ST8SIA1: variants seen among roughly 807,000 people sequenced by gnomAD.
ST8SIA1 encodes alpha-N-acetylneuraminide alpha-2,8-sialyltransferase.
Under a neutral mutation model 35.9 loss-of-function variants are expected in ST8SIA1, and 16 were observed. That is an observed-to-expected ratio of 0.45 (90% CI 0.30 to 0.68). The LOEUF is 0.68. ST8SIA1 is among the 30% of genes least tolerant of loss of function. ST8SIA1 has a pLI of 0.09. For synonymous variants in ST8SIA1, 170 were observed against 169.6 expected, an observed-to-expected ratio of 1.00 and a Z score of -0.02; for missense variants, 383 against 453.6, an observed-to-expected ratio of 0.84 and a Z score of 1.41.
chr12:22,245,290 T>G (rs964835107), intron 4 of ST8SIA1, among the ~76,000 whole-genome samples: 1 of 152,234 alleles, frequency 6.6e-6, no homozygotes, highest in Non-Finnish European at 1.5e-5. Flanking sequence ...CTAATCAGGT[T>G]GTCTAAAGTG....
At chr12:22,284,355 C>T (rs56393198) in intron 2 of ST8SIA1, among the ~76,000 whole-genome samples, 5,853 of 152,254 alleles carry the variant, frequency 0.038, 393 homozygotes, top group African/African-American at 0.13. Flanking sequence ...AACGCTGAGC[C>T]TGGCCCACTC....
chr12:22,257,278 C>G lies in ST8SIA1; in HGVS notation c.382-1889G>C, dbSNP rs149796451. Among the ~76,000 whole-genome samples, 373 of 151,970 alleles carry G rather than the reference C, an allele frequency of 2.5e-3. 3 individuals are homozygous for G. Among genetic ancestry groups the G allele is most frequent in the African/African-American group, 8.6e-3 (355 of 41,432 alleles). ...CCAGGCTGGAGTACAGTGGCATGAT[C>G]TCGGCTCACTGCAACTCCCACCTCC... On this transcript the variant is annotated intron_variant, in intron 2 of 4. Coordinates refer to ENST00000396037, the MANE Select transcript of ST8SIA1 (RefSeq NM_003034.4).
chr12:22,266,379 A>C (rs1865848871), intron 2 of ST8SIA1, among the ~76,000 whole-genome samples: 1 of 152,084 alleles, frequency 6.6e-6, no homozygotes, highest in South Asian at 2.1e-4. Flanking sequence ...CAAATCATTT[A>C]TTCAATACTT....
At chr12:22,310,904 C>A (rs995752132) in intron 1 of ST8SIA1, among the ~76,000 whole-genome samples, 1 of 152,148 alleles carries the variant, frequency 6.6e-6, no homozygotes, top group Non-Finnish European at 1.5e-5. Flanking sequence ...CAGACAGCAG[C>A]TGCAGACTGT....
intron 1 of ST8SIA1, among the ~76,000 whole-genome samples, chr12:22,296,458 G>A (rs201010794): frequency 3.3e-5 from 5 of 152,010 alleles, no homozygotes; most frequent in Admixed American, 1.3e-4. Context: ...AACCAGCCCC[G>A]TCAAGCCCAC....
At chr12:22,222,316 T>C (rs902039946) in intron 4 of ST8SIA1, among the ~76,000 whole-genome samples, 2 of 152,180 alleles carry the variant, frequency 1.3e-5, no homozygotes, top group East Asian at 1.9e-4. Context: ...GGTCCAAACA[T>C]GTTCAGCAAG....
intron 2 of ST8SIA1, among the ~76,000 whole-genome samples, chr12:22,273,232 G>A (rs947471618): frequency 6.6e-6 from 1 of 152,178 alleles, no homozygotes; most frequent in African/African-American, 2.4e-5. Context: ...CCACCTGCCC[G>A]TTTGGCACAC....
intron 1 of ST8SIA1, among the ~76,000 whole-genome samples, chr12:22,314,856 G>A (rs982732889): frequency 5.3e-5 from 8 of 152,076 alleles, no homozygotes; most frequent in African/African-American, 1.9e-4. Context: ...CAGAGCTGAC[G>A]ATAACTCTCA....
chr12:22,222,695 A>G (rs1356558415), intron 4 of ST8SIA1, among the ~76,000 whole-genome samples: 3 of 151,962 alleles, frequency 2.0e-5, no homozygotes, highest in Non-Finnish European at 4.4e-5. Context: ...TTTGGAAGCA[A>G]TCACTGTACT....
chr12:22,307,242 G>T (rs1029231357), intron 1 of ST8SIA1, among the ~76,000 whole-genome samples: 2 of 152,072 alleles, frequency 1.3e-5, no homozygotes, highest in African/African-American at 4.8e-5. Context: ...ATTACCAAGC[G>T]CTGGGCTTCA....
intron 2 of ST8SIA1, among the ~76,000 whole-genome samples, chr12:22,284,171 C>T (rs1179129172): frequency 2.8e-5 from 4 of 141,330 alleles, no homozygotes; most frequent in South Asian, 2.2e-4. Context: ...TTTGTACCAA[C>T]GACAAAAAAA....
At chr12:22,257,977 G>A (rs1865746517) in intron 2 of ST8SIA1, among the ~76,000 whole-genome samples, 2 of 151,732 alleles carry the variant, frequency 1.3e-5, no homozygotes, top group African/African-American at 4.8e-5. Flanking sequence ...AAGAGATTTT[G>A]GTGACTCTTG....
At chr12:22,269,506 G>C (rs1205531289) in intron 2 of ST8SIA1, among the ~76,000 whole-genome samples, 1 of 152,054 alleles carries the variant, frequency 6.6e-6, no homozygotes, top group Admixed American at 6.5e-5. Context: ...AGATATTATG[G>C]ATACCTTCCC....
chr12:22,306,609 T>C lies in ST8SIA1; in HGVS notation c.237-19316A>G, dbSNP rs377720330. 1.2e-4 allele frequency among the ~76,000 whole-genome samples: 19 copies of C among 152,334 alleles called. 2 individuals carry two copies. The highest frequency in any genetic ancestry group is 4.6e-4 in the African/African-American group (19 of 41,596). On this transcript the variant is annotated intron_variant, in intron 1 of 4. Transcript: ENST00000396037. ...ATTCTTAGAAGTAACCATTTTATTA[T>C]AATGATTTTTCTTCTTTAAATGTTT...
At position 22,334,047 on chromosome 12, in the gene ST8SIA1, C is replaced by T. The variant is rs1485203435; in HGVS notation, c.186G>A (p.Leu62=). Residue 62 remains leucine (L), a synonymous_variant, in exon 1 of 5, where the codon CTG becomes CTA. Transcript: ENST00000396037. ...PNEKEIVQGV[L]QQGTAWRRNQ... ...TCCTCCTCCACGCCGTGCCCTGTTGCAGCACCCCCTGCACGATCTCTTTCT... is the reference window on the plus strand; with the variant it reads ...TCCTCCTCCACGCCGTGCCCTGTTGTAGCACCCCCTGCACGATCTCTTTCT... 1 of 1,614,034 alleles carries T rather than the reference C, an allele frequency of 6.2e-7. No individual in the cohort carries two copies. The highest frequency in any genetic ancestry group is 1.7e-5 in the Admixed American group (1 of 60,018).
intron 2 of ST8SIA1, among the ~76,000 whole-genome samples, chr12:22,284,017 C>A (rs962039308): frequency 6.6e-6 from 1 of 152,080 alleles, no homozygotes; most frequent in Non-Finnish European, 1.5e-5. Context: ...TAGCATAGAA[C>A]TAACTAACTA....
At chr12:22,282,602 G>T (rs1019033054) in intron 2 of ST8SIA1, among the ~76,000 whole-genome samples, 1 of 152,138 alleles carries the variant, frequency 6.6e-6, no homozygotes. Context: ...CAGGGGTCTG[G>T]GAGCTTGATG....
intron 1 of ST8SIA1, among the ~76,000 whole-genome samples, chr12:22,328,360 T>C (rs1343349569): frequency 6.6e-6 from 1 of 152,172 alleles, no homozygotes; most frequent in Non-Finnish European, 1.5e-5. Flanking sequence ...TGCTGGGCTC[T>C]GGGAATGCAA....
intron 2 of ST8SIA1, among the ~76,000 whole-genome samples, chr12:22,266,106 T>C (rs961088457): frequency 6.6e-6 from 1 of 152,068 alleles, no homozygotes; most frequent in Non-Finnish European, 1.5e-5. Context: ...CCTACCTCTG[T>C]TAAAGCTGCT....
Sources: gnomAD v4.1 joint callset for allele counts (sites outside exome capture counted in the v4.1 genomes callset) on GRCh38, gnomAD v4.1.1 for gene constraint, MANE v1.5 for transcripts, NCBI Gene and HGNC (gene_info 2026-07-23, HGNC 2026-07-21) for gene names.